Variants in PRKAG2 observed in about 807,000 individuals in gnomAD.
PRKAG2 encodes the protein 5'-AMP-activated protein kinase subunit gamma-2.
A neutral mutation model predicts 69.6 loss-of-function variants in PRKAG2; 26 were observed. The ratio of observed to expected loss-of-function variants is 0.37; its 90% CI spans 0.27 to 0.52. PRKAG2 has a LOEUF of 0.52. PRKAG2 is among the 20% of genes least tolerant of loss of function. PRKAG2 has a pLI of 0.90. For missense variants in PRKAG2, 557 were observed against 740.0 expected, an observed-to-expected ratio of 0.75 and a Z score of 2.87; for synonymous variants, 293 against 285.0, an observed-to-expected ratio of 1.03 and a Z score of -0.28.
At chr7:151,763,701 C>T (rs1215749513) in intron 3 of PRKAG2, among the ~76,000 whole-genome samples, 1 of 152,256 alleles carries the variant, frequency 6.6e-6, no homozygotes, top group African/African-American at 2.4e-5. Context: ...ACCCATATGC[C>T]TCCTTGGCCT....
chr7:151,640,845 T>C (rs948142857), intron 4 of PRKAG2, among the ~76,000 whole-genome samples: 11 of 152,248 alleles, frequency 7.2e-5, no homozygotes, highest in African/African-American at 2.7e-4. Flanking sequence ...CATCCTTGTA[T>C]TGCCTGTGTG....
chr7:151,707,720 G>C (rs892774060), intron 3 of PRKAG2, among the ~76,000 whole-genome samples: 1 of 152,142 alleles, frequency 6.6e-6, no homozygotes, highest in African/African-American at 2.4e-5. Context: ...GGCAAACAAA[G>C]GACACAAAAA....
At chr7:151,692,792 T>C (rs1835889403) in intron 3 of PRKAG2, among the ~76,000 whole-genome samples, 1 of 151,966 alleles carries the variant, frequency 6.6e-6, no homozygotes, top group Admixed American at 6.6e-5. Context: ...CCTGCTCACA[T>C]AAAAATAGCA....
intron 3 of PRKAG2, among the ~76,000 whole-genome samples, chr7:151,701,139 G>A (rs113339576): frequency 3.3e-5 from 5 of 152,196 alleles, no homozygotes; most frequent in African/African-American, 1.2e-4. Context: ...CACTGGAGCA[G>A]GCACCTGACC....
At chr7:151,726,831 G>T (rs1350678050) in intron 3 of PRKAG2, among the ~76,000 whole-genome samples, 1 of 152,150 alleles carries the variant, frequency 6.6e-6, no homozygotes, top group Non-Finnish European at 1.5e-5. Flanking sequence ...CGTCATCTAT[G>T]ATCTGTGCTC....
intron 3 of PRKAG2, among the ~76,000 whole-genome samples, chr7:151,774,290 C>G (rs2076227554): frequency 6.6e-6 from 1 of 152,134 alleles, no homozygotes; most frequent in Non-Finnish European, 1.5e-5. Context: ...GAAGAAAGGT[C>G]TGGTTCTCTT....
At position 151,632,224 on chromosome 7, in the gene PRKAG2, G is replaced by A. The variant is rs1824742863; in HGVS notation, c.685-86C>T. ...GGCTCGCGGCCGGCCGAGCGCTGGG[G>A]CCTGGCTCTGCCGCGCCGCCGGGAG... On this transcript the variant is annotated intron_variant, in intron 4 of 15. Transcript: ENST00000287878. The surrounding 1 kb of genome is among the most constrained non-coding windows in gnomAD (Gnocchi z 4.2). The A allele has an allele frequency of 2.7e-6, 3 of 1,106,844 alleles. No homozygotes were observed. The highest frequency in any genetic ancestry group is 5.2e-5 in the Admixed American group (1 of 19,350). 68.6% of individuals were successfully genotyped at this position (1,106,844 alleles called of 1,614,324 possible).
intron 6 of PRKAG2, among the ~76,000 whole-genome samples, chr7:151,580,992 A>G (rs540498056): frequency 3.3e-5 from 5 of 152,340 alleles, no homozygotes; most frequent in African/African-American, 1.2e-4. Context: ...GCTTGAGGTT[A>G]TGGACACCCC....
chr7:151,596,400 A>G lies in PRKAG2; in HGVS notation c.755-946T>C, dbSNP rs574176805. On this transcript the variant is annotated intron_variant, in intron 5 of 15. Transcript: ENST00000287878. Reference sequence around the variant, plus strand: ...AAAAAAACAAAATACTCAGGAATTAATTTAACTCAGGAGGTGAAAGACCTC... The same window carrying G: ...AAAAAAACAAAATACTCAGGAATTAGTTTAACTCAGGAGGTGAAAGACCTC... Among the ~76,000 whole-genome samples, 14 of 152,352 alleles carry G rather than the reference A, an allele frequency of 9.2e-5. No individual in the cohort carries two copies. In the South Asian group the frequency reaches 2.5e-3, roughly 27 times the overall value.
intron 1 of PRKAG2, among the ~76,000 whole-genome samples, chr7:151,787,534 C>T (rs977684166): frequency 6.6e-6 from 1 of 152,162 alleles, no homozygotes; most frequent in Non-Finnish European, 1.5e-5. Flanking sequence ...GCCACAGTTC[C>T]CTTCCTTTTG....
In PRKAG2 at chr7:151,874,815, G is replaced by A. The variant is rs376524413; in HGVS notation, c.114+1692C>T. Among the ~76,000 whole-genome samples the A allele has an allele frequency of 7.5e-4, 115 of 152,354 alleles. No homozygotes were observed. The East Asian group carries it at 0.017, about 22-fold the overall frequency. ...AGGTGGGAGGATCACTTGAGCCTGG[G>A]GAGGTTGAGGCTGCAGTGAGCCATG... On this transcript the variant is annotated intron_variant, in intron 1 of 15. Transcript: ENST00000287878.
At chr7:151,561,146 G>C (rs966399825) in intron 14 of PRKAG2, among the ~76,000 whole-genome samples, 1 of 152,188 alleles carries the variant, frequency 6.6e-6, no homozygotes, top group African/African-American at 2.4e-5. Flanking sequence ...TAATGATACT[G>C]ATTTGTCTCT....
chr7:151,779,226 A>G (rs767370290), intron 3 of PRKAG2, among the ~76,000 whole-genome samples: 1 of 152,374 alleles, frequency 6.6e-6, no homozygotes, highest in East Asian at 1.9e-4. Flanking sequence ...TTTCTAAAAG[A>G]ACAGCTCATT....
chr7:151,853,269 A>G (rs1191294722), intron 1 of PRKAG2, among the ~76,000 whole-genome samples: 1 of 152,246 alleles, frequency 6.6e-6, no homozygotes, highest in African/African-American at 2.4e-5. Context: ...GCAAGATTCC[A>G]GAAAAGAGAG....
At chr7:151,792,683 C>T (rs967173369) in intron 1 of PRKAG2, among the ~76,000 whole-genome samples, 1 of 152,256 alleles carries the variant, frequency 6.6e-6, no homozygotes, top group African/African-American at 2.4e-5. Context: ...CAGGGGCCCA[C>T]GATGGCCCCC....
chr7:151,672,340 C>T (rs1403566303), intron 4 of PRKAG2, among the ~76,000 whole-genome samples: 1 of 150,044 alleles, frequency 6.7e-6, no homozygotes, highest in Non-Finnish European at 1.5e-5. Context: ...CGTGATCCAC[C>T]CACTTCGGCC....
chr7:151,855,202 A>C (rs1246894125), intron 1 of PRKAG2, among the ~76,000 whole-genome samples: 1 of 119,692 alleles, frequency 8.4e-6, no homozygotes, highest in Non-Finnish European at 1.8e-5. Flanking sequence ...CTCCACACAC[A>C]CCACCCTCCA....
chr7:151,783,543 C>A (rs1563666629), intron 2 of PRKAG2, among the ~76,000 whole-genome samples: 1 of 151,578 alleles, frequency 6.6e-6, no homozygotes, highest in South Asian at 2.1e-4. Context: ...CATTTAGATT[C>A]TCTGTTTATA....
intron 3 of PRKAG2, among the ~76,000 whole-genome samples, chr7:151,739,659 G>A (rs1029478454): frequency 1.3e-5 from 2 of 151,726 alleles, no homozygotes; most frequent in African/African-American, 2.4e-5. Flanking sequence ...TCGTAGAGAC[G>A]GGGGTTTCGC....
Sources: allele counts gnomAD v4.1 joint callset (sites outside exome capture counted in the v4.1 genomes callset), GRCh38; gene constraint gnomAD v4.1.1; non-coding constraint Gnocchi (gnomAD v3.1); transcripts MANE v1.5; gene names NCBI Gene and HGNC (gene_info 2026-07-23, HGNC 2026-07-21).